SEMA3A: variants seen among roughly 807,000 people sequenced by gnomAD.
SEMA3A encodes semaphorin-3A.
A neutral mutation model predicts 97.9 loss-of-function variants in SEMA3A; 29 were observed. That is an observed-to-expected ratio of 0.30 (90% CI 0.22 to 0.40). SEMA3A has a LOEUF of 0.40. SEMA3A is among the 10% of genes least tolerant of loss of function. The probability of loss-of-function intolerance (pLI) is 1.00; values close to 1 mark genes in which losing one functional copy is unlikely to be tolerated. For synonymous variants in SEMA3A, 321 were observed against 323.7 expected (o/e 0.99, Z 0.09); for missense variants, 763 against 951.3 (o/e 0.80, Z 2.60).
intron 12 of SEMA3A, among the ~76,000 whole-genome samples, chr7:83,992,275 G>C (rs1280620694): frequency 6.7e-6 from 1 of 149,164 alleles, no homozygotes; most frequent in East Asian, 1.9e-4. Flanking sequence ...ACCAGCTCCT[G>C]GATTCATTCA....
chr7:83,996,040 A>G (rs900789234), intron 12 of SEMA3A, among the ~76,000 whole-genome samples: 1 of 152,202 alleles, frequency 6.6e-6, no homozygotes. Context: ...CTTACATTCA[A>G]TAGAACTATA....
At chr7:84,160,223 GTCTATCTA>G (rs61107978) in intron 1 of SEMA3A, among the ~76,000 whole-genome samples, 33,214 of 149,194 alleles carry the variant, frequency 0.22, 3,850 homozygotes, top group East Asian at 0.33. Context: ...CTATCAATCT[GTCTATCTA>G]TCTATCTATC....
At chr7:84,023,231 G>C (rs1351804308) in intron 6 of SEMA3A, among the ~76,000 whole-genome samples, 1 of 152,168 alleles carries the variant, frequency 6.6e-6, no homozygotes, top group Non-Finnish European at 1.5e-5. Context: ...GGCAGCTTGA[G>C]CTTATTTAAA....
intron 3 of SEMA3A, among the ~76,000 whole-genome samples, chr7:84,227,958 T>C (rs1799028886): frequency 6.6e-6 from 1 of 151,650 alleles, no homozygotes; most frequent in Non-Finnish European, 1.5e-5. Context: ...AGTAGTTGTA[T>C]GGGAATGGTA....
At chr7:84,180,695 A>AAAAAAT (rs1302521380) in intron 1 of SEMA3A, among the ~76,000 whole-genome samples, 1 of 152,150 alleles carries the variant, frequency 6.6e-6, no homozygotes, top group Admixed American at 6.5e-5. Flanking sequence ...CTCAAATAAT[A>AAAAAAT]AAAAATAAAA....
intron 2 of SEMA3A, among the ~76,000 whole-genome samples, chr7:84,350,285 G>T (rs1584256835): frequency 2.0e-5 from 3 of 151,754 alleles, no homozygotes; most frequent in Non-Finnish European, 2.9e-5. Context: ...ATAACTTCTC[G>T]TGGTGCCTGA....
At chr7:84,198,933 G>T (rs1006053360), upstream of SEMA3A, among the ~76,000 whole-genome samples, 2 of 152,162 alleles carry the variant, frequency 1.3e-5, no homozygotes, top group Non-Finnish European at 2.9e-5. Context: ...AGTCATAGAA[G>T]ATACGTATTA....
At chr7:84,325,358 T>G (rs1025416050) in intron 2 of SEMA3A, among the ~76,000 whole-genome samples, 1 of 151,280 alleles carries the variant, frequency 6.6e-6, no homozygotes, top group African/African-American at 2.4e-5. Context: ...AAAAAGAGAG[T>G]GATGAGTGGT....
chr7:84,352,798 T>C (rs1056418590), intron 2 of SEMA3A, among the ~76,000 whole-genome samples: 10 of 151,846 alleles, frequency 6.6e-5, no homozygotes, highest in African/African-American at 2.4e-4. Flanking sequence ...AGAAAGTAAG[T>C]AGATTGGAGT....
In SEMA3A at chr7:83,961,834, G is replaced by GT. The variant is rs777937452; in HGVS notation, c.1861-9dup. ...ATGATCATCCACTCTGATCTAGCAG[G>GT]TTAAAAAAAAGGCAGTGTAAAATAT... On this transcript the variant is annotated splice_polypyrimidine_tract_variant and intron_variant, in intron 16 of 16. Transcript: ENST00000265362. 2.5e-6 allele frequency: 4 copies of GT among 1,600,072 alleles called. No homozygotes were observed. Among genetic ancestry groups the GT allele is most frequent in the Non-Finnish European group, 3.4e-6 (4 of 1,172,434 alleles).
intron 2 of SEMA3A, among the ~76,000 whole-genome samples, chr7:84,314,585 G>A (rs893418769): frequency 2.0e-5 from 3 of 152,082 alleles, no homozygotes; most frequent in African/African-American, 7.2e-5. Context: ...TATAATGTGT[G>A]CAATATATAA....
intron 2 of SEMA3A, among the ~76,000 whole-genome samples, chr7:84,348,711 G>A (rs1802364936): frequency 6.6e-6 from 1 of 152,058 alleles, no homozygotes. Flanking sequence ...TTGGCCAGGT[G>A]CAGTGGCTCA....
chr7:84,393,589 G>T (rs144346564), intron 1 of SEMA3A, among the ~76,000 whole-genome samples: 82 of 152,188 alleles, frequency 5.4e-4, no homozygotes, highest in African/African-American at 1.9e-3. Context: ...TTAAGTTATG[G>T]TGTTTCTTCT....
At chr7:84,423,878 A>C (rs1804670183) in intron 1 of SEMA3A, among the ~76,000 whole-genome samples, 1 of 152,002 alleles carries the variant, frequency 6.6e-6, no homozygotes, top group Admixed American at 6.6e-5. Flanking sequence ...AAGATATACA[A>C]ATATATTTAA....
chr7:84,410,516 T>G (rs1021480488), intron 1 of SEMA3A, among the ~76,000 whole-genome samples: 7 of 152,048 alleles, frequency 4.6e-5, no homozygotes, highest in African/African-American at 1.7e-4. Context: ...AAGCACCTAT[T>G]TTAGTTTTAA....
chr7:84,362,814 C>T (rs548159762), intron 2 of SEMA3A, among the ~76,000 whole-genome samples: 2 of 151,966 alleles, frequency 1.3e-5, no homozygotes, highest in South Asian at 4.1e-4. Flanking sequence ...AAATAATAAA[C>T]ACAAAGTAAT....
chr7:84,491,406 T>C (rs1159936474), intron 1 of SEMA3A, among the ~76,000 whole-genome samples: 1 of 152,160 alleles, frequency 6.6e-6, no homozygotes, highest in Non-Finnish European at 1.5e-5. Context: ...TCTTGCATTC[T>C]CTTTAATCTG....
At chr7:84,479,265 G>A (rs988743513) in intron 1 of SEMA3A, among the ~76,000 whole-genome samples, 5 of 152,052 alleles carry the variant, frequency 3.3e-5, no homozygotes, top group African/African-American at 9.7e-5. Context: ...TTAAGGTTAA[G>A]TGCTATATTT....
chr7:84,267,840 T>C (rs1302221747), intron 3 of SEMA3A, among the ~76,000 whole-genome samples: 3 of 152,142 alleles, frequency 2.0e-5, no homozygotes, highest in Non-Finnish European at 4.4e-5. Flanking sequence ...GAAGTTCAAG[T>C]TGTAATTTTA....
Sources: allele counts gnomAD v4.1 joint callset (sites outside exome capture counted in the v4.1 genomes callset), GRCh38; gene constraint gnomAD v4.1.1; transcripts MANE v1.5; gene names NCBI Gene and HGNC (gene_info 2026-07-23, HGNC 2026-07-21).